Variants in IQCJ observed in about 807,000 individuals in gnomAD.
IQCJ encodes the protein IQ domain-containing protein J.
In IQCJ, 9 loss-of-function variants were observed where a neutral mutation model predicts 11.0. That is an observed-to-expected ratio of 0.82 (90% confidence interval 0.49 to 1.43). The LOEUF (loss-of-function observed/expected upper bound fraction) is 1.43. Among genes scored for constraint, IQCJ ranks in the 40% most tolerant of loss-of-function variants. The pLI is 0.00. For synonymous variants in IQCJ, 55 were observed against 51.3 expected, an observed-to-expected ratio of 1.07 and a Z score of -0.31; for missense variants, 146 against 133.2, an observed-to-expected ratio of 1.10 and a Z score of -0.47.
intron 1 of IQCJ, among the ~76,000 whole-genome samples, chr3:159,101,094 T>G (rs1450921244): frequency 1.6e-5 from 2 of 123,630 alleles, no homozygotes; most frequent in East Asian, 4.6e-4. Flanking sequence ...TAAGCCGGTC[T>G]GAAAAGCGCA....
intron 1 of IQCJ, among the ~76,000 whole-genome samples, chr3:159,088,999 A>C (rs183844602): frequency 1.1e-3 from 158 of 150,328 alleles, no homozygotes; most frequent in African/African-American, 3.6e-3. Flanking sequence ...TAGTTGATGC[A>C]GTTTCTTCCT....
chr3:159,096,198 T>G (rs1170620380), intron 1 of IQCJ, among the ~76,000 whole-genome samples: 2 of 125,824 alleles, frequency 1.6e-5, no homozygotes, highest in Non-Finnish European at 3.3e-5. Context: ...CTTCGCCCAC[T>G]TTTTGATGGG....
chr3:159,145,390 C>G (rs1433843533), intron 1 of IQCJ, among the ~76,000 whole-genome samples: 3 of 152,150 alleles, frequency 2.0e-5, no homozygotes, highest in Non-Finnish European at 2.9e-5. Context: ...ATAGTGATCA[C>G]AAACAATCTA....
At chr3:159,111,341 T>C (rs550746923) in intron 1 of IQCJ, among the ~76,000 whole-genome samples, 163 of 152,322 alleles carry the variant, frequency 1.1e-3, no homozygotes, top group African/African-American at 3.7e-3. Context: ...TTGAACATAC[T>C]TGTATTTGAA....
At chr3:159,181,072 T>C (rs1382432017) in intron 1 of IQCJ, among the ~76,000 whole-genome samples, 1 of 151,872 alleles carries the variant, frequency 6.6e-6, no homozygotes, top group Non-Finnish European at 1.5e-5. Context: ...TCAACTTCCA[T>C]TCACTTTCCT....
chr3:159,137,155 G>A (rs142976794), intron 1 of IQCJ, among the ~76,000 whole-genome samples: 249 of 152,024 alleles, frequency 1.6e-3, no homozygotes, highest in African/African-American at 5.7e-3. Flanking sequence ...CCAGCTACTC[G>A]GGAGGCTGGG....
chr3:159,218,455 G>T (rs1247290318), intron 1 of IQCJ, among the ~76,000 whole-genome samples: 2 of 152,044 alleles, frequency 1.3e-5, no homozygotes, highest in Non-Finnish European at 2.9e-5. Flanking sequence ...TTTGGGATGG[G>T]TCTAGAGGTC....
In IQCJ at chr3:159,133,130, A is replaced by C. The variant is rs554714898; in HGVS notation, c.9+63689A>C. ...TAAGAAAAGAAAAGAGGTATGTAAG[A>C]AAAGCTGGGCCCTTTATTCACCAGG... On this transcript the variant is annotated intron_variant, in intron 1 of 3. Coordinates refer to ENST00000397832, the MANE Select transcript of IQCJ (RefSeq NM_001042706.3). 2.0e-5 allele frequency among the ~76,000 whole-genome samples: 3 copies of C among 152,332 alleles called. No individual in the cohort carries two copies. In the East Asian group the frequency reaches 5.8e-4, roughly 29 times the overall value.
chr3:159,225,372 TAAGGATTTGGGA>T (rs1420996651), intron 1 of IQCJ, among the ~76,000 whole-genome samples: 1 of 151,892 alleles, frequency 6.6e-6, no homozygotes, highest in Non-Finnish European at 1.5e-5. Context: ...TTACTAGAGG[TAAGGATTTGGGA>T]AAGGAGGGGT....
At chr3:159,203,579 C>T (rs1419873545) in intron 1 of IQCJ, among the ~76,000 whole-genome samples, 1 of 151,994 alleles carries the variant, frequency 6.6e-6, no homozygotes, top group Non-Finnish European at 1.5e-5. Flanking sequence ...GCCTCATAGT[C>T]TCCACAAGGC....
intron 1 of IQCJ, among the ~76,000 whole-genome samples, chr3:159,072,597 AAAC>A (rs1276761569): frequency 2.0e-5 from 3 of 152,170 alleles, no homozygotes; most frequent in African/African-American, 4.8e-5. Flanking sequence ...TTGTTATGCC[AAAC>A]AACCTCTGTA....
rs918900377 is a variant in IQCJ at position 159,087,603 on chromosome 3, A to T, written c.9+18162A>T. Among the ~76,000 whole-genome samples the T allele has an allele frequency of 1.4e-4, 20 of 147,070 alleles. No individual in the cohort carries two copies. In the Admixed American group the frequency reaches 1.4e-3, roughly 10 times the overall value. ...TATTGCCACAATTTCAGATCCTGTTATTGGTCTATTCAGAGATTCAACTTC... is the reference window on the plus strand; with the variant it reads ...TATTGCCACAATTTCAGATCCTGTTTTTGGTCTATTCAGAGATTCAACTTC... On this transcript the variant is annotated intron_variant, in intron 1 of 3. Transcript: ENST00000397832.
chr3:159,262,987 T>C lies in IQCJ; in HGVS notation c.*256T>C. 1 of 1,171,228 alleles carries C rather than the reference T, an allele frequency of 8.5e-7. No individual in the cohort carries two copies. The highest frequency in any genetic ancestry group is 3.1e-5 in the South Asian group (1 of 31,928). 72.6% of individuals were successfully genotyped at this position (1,171,228 alleles called of 1,614,324 possible). A position where few individuals can be genotyped will look rare whatever the true frequency, so the allele number is the denominator to read the frequency against. On this transcript the variant is annotated 3_prime_UTR_variant, in exon 4 of 4. Coordinates refer to ENST00000397832, the MANE Select transcript of IQCJ (RefSeq NM_001042706.3). ...CTTTATAATAGCATATTTCTTTTAG[T>C]ATGTGCTGTGTGTTTCTTTTATTGT...
chr3:159,215,910 C>T (rs1363430935), intron 1 of IQCJ, among the ~76,000 whole-genome samples: 1 of 151,932 alleles, frequency 6.6e-6, no homozygotes. Flanking sequence ...GGAATAGTGG[C>T]TGTGTTCATG....
intron 1 of IQCJ, among the ~76,000 whole-genome samples, chr3:159,089,991 G>T (rs1477472789): frequency 6.6e-6 from 1 of 151,792 alleles, no homozygotes; most frequent in East Asian, 1.9e-4. Context: ...AGGAGGAGAG[G>T]TGCTCTGCTT....
At chr3:159,203,344 C>A (rs1724460123) in intron 1 of IQCJ, among the ~76,000 whole-genome samples, 1 of 150,748 alleles carries the variant, frequency 6.6e-6, no homozygotes, top group Non-Finnish European at 1.5e-5. Flanking sequence ...GCTCAGTGAG[C>A]TGAAGAGTGA....
At chr3:159,188,731 C>T (rs565053585) in intron 1 of IQCJ, among the ~76,000 whole-genome samples, 3 of 152,208 alleles carry the variant, frequency 2.0e-5, no homozygotes, top group Admixed American at 6.5e-5. Context: ...TGTGGCAGTT[C>T]TCTTACTTGC....
intron 1 of IQCJ, among the ~76,000 whole-genome samples, chr3:159,154,410 A>T (rs911707403): frequency 1.2e-4 from 19 of 152,206 alleles, no homozygotes; most frequent in Admixed American, 3.9e-4. Flanking sequence ...TTTAGAATAA[A>T]ATATTTAAAT....
intron 3 of IQCJ, among the ~76,000 whole-genome samples, chr3:159,255,369 T>C (rs1232957799): frequency 2.0e-5 from 3 of 152,062 alleles, no homozygotes; most frequent in Non-Finnish European, 2.9e-5. Context: ...GGCAAGGCAA[T>C]CTCTGAATGT....
Sources: gnomAD v4.1 joint callset for allele counts (sites outside exome capture counted in the v4.1 genomes callset) on GRCh38, gnomAD v4.1.1 for gene constraint, MANE v1.5 for transcripts, NCBI Gene and HGNC (gene_info 2026-07-23, HGNC 2026-07-21) for gene names.